Variants in NUP153 observed in about 807,000 individuals in gnomAD.
NUP153 encodes the protein nucleoporin 153, also known as nuclear pore complex protein Nup153.
In NUP153, 27 loss-of-function variants were observed where a neutral mutation model predicts 134.6. That is an observed-to-expected ratio of 0.20 (90% CI 0.15 to 0.28). NUP153 has a LOEUF of 0.28. NUP153 is among the 10% of genes least tolerant of loss of function. The pLI, the probability that NUP153 is intolerant of heterozygous loss-of-function variation, is 1.00. For synonymous variants in NUP153, 640 were observed against 623.5 expected, an observed-to-expected ratio of 1.03 and a Z score of -0.40; for missense variants, 1,821 against 1,731.3, an observed-to-expected ratio of 1.05 and a Z score of -0.92.
chr6:17,671,700 T>TA (rs1561892725), intron 5 of NUP153, among the ~76,000 whole-genome samples: 1 of 152,192 alleles, frequency 6.6e-6, no homozygotes. Context: ...AATTGGTCTT[T>TA]AGACTCAAAT....
At chr6:17,626,483 C>G (rs984523535) in intron 18 of NUP153, among the ~76,000 whole-genome samples, 4 of 152,148 alleles carry the variant, frequency 2.6e-5, no homozygotes, top group African/African-American at 4.8e-5. Flanking sequence ...TAGTGGAAGA[C>G]AGCTGTACTT....
intron 20 of NUP153, among the ~76,000 whole-genome samples, chr6:17,621,638 G>C (rs1764646370): frequency 6.6e-6 from 1 of 152,218 alleles, no homozygotes; most frequent in Admixed American, 6.5e-5. Context: ...ATGTGTAGGA[G>C]CTAAAAAACA....
In NUP153 at chr6:17,659,756, C is replaced by T. The variant is rs556691159; in HGVS notation, c.1395+1897G>A. 1.2e-4 allele frequency among the ~76,000 whole-genome samples: 18 copies of T among 152,296 alleles called. No homozygotes were observed. In the South Asian group the frequency reaches 3.5e-3, roughly 30 times the overall value. On this transcript the variant is annotated intron_variant, in intron 11 of 21. Transcript: ENST00000262077. ...AAAGTGCTGGGATTACAGGCATGAG[C>T]CACCGTGCCCAGCCGCCAACCCGTT... is the stretch of plus-strand genomic sequence containing the variant.
chr6:17,633,713 A>C (rs1015538210), intron 16 of NUP153, among the ~76,000 whole-genome samples: 4 of 152,172 alleles, frequency 2.6e-5, no homozygotes, highest in African/African-American at 9.7e-5. Context: ...AAGGCCCAAA[A>C]TATAGTGCTG....
chr6:17,620,794 C>T (rs1279670417), intron 20 of NUP153, among the ~76,000 whole-genome samples: 2 of 152,046 alleles, frequency 1.3e-5, no homozygotes, highest in Non-Finnish European at 1.5e-5. Flanking sequence ...AGATAGGACC[C>T]CCCTGGCCTA....
intron 16 of NUP153, 67 bp downstream of exon 16, chr6:17,637,086 C>T (rs765556798): frequency 5.7e-6 from 8 of 1,408,650 alleles, no homozygotes; most frequent in Non-Finnish European, 6.8e-6. Context: ...AACAAGGATT[C>T]TTAGAATAAA....
At chr6:17,689,577 C>T (rs1193595642) in intron 1 of NUP153, among the ~76,000 whole-genome samples, 1 of 149,940 alleles carries the variant, frequency 6.7e-6, no homozygotes, top group Admixed American at 6.6e-5. Flanking sequence ...ACTCTTGTTG[C>T]CCAGGCTGGA....
intron 16 of NUP153, among the ~76,000 whole-genome samples, chr6:17,635,877 CAT>C (rs1281626289): frequency 3.3e-5 from 5 of 152,328 alleles, no homozygotes; most frequent in East Asian, 1.9e-4. Context: ...TTCTTTAATA[CAT>C]ATGTGAGCTT....
At chr6:17,642,591 T>C (rs1765892222) in intron 14 of NUP153, among the ~76,000 whole-genome samples, 1 of 152,240 alleles carries the variant, frequency 6.6e-6, no homozygotes, top group Non-Finnish European at 1.5e-5. Flanking sequence ...CTAATGGTAA[T>C]GTGACATGGT....
chr6:17,642,159 A>T (rs1442405318), intron 14 of NUP153, among the ~76,000 whole-genome samples: 1 of 152,214 alleles, frequency 6.6e-6, no homozygotes, highest in Non-Finnish European at 1.5e-5. Flanking sequence ...TATAGCTTCA[A>T]GACCATGGAT....
At chr6:17,656,955 C>T (rs1236400880) in intron 11 of NUP153, among the ~76,000 whole-genome samples, 2 of 152,170 alleles carry the variant, frequency 1.3e-5, no homozygotes, top group Admixed American at 6.5e-5. Context: ...CAATTTCAGT[C>T]AGTTTTGTTA....
rs1482484393 is a variant in NUP153 at position 17,628,664 on chromosome 6, T to C, written c.3535A>G (p.Thr1179Ala). 6.3e-7 allele frequency: 1 copy of C among 1,589,642 alleles called. No homozygotes were observed. Residue 1179 changes from threonine (T) to alanine (A), a missense_variant, in exon 18 of 22, where the codon ACT becomes GCT. Physicochemically the swap from Thr to Ala is moderately conservative, Grantham distance 58. Coordinates refer to ENST00000262077, the MANE Select transcript of NUP153 (RefSeq NM_005124.4). The surrounding 1 kb of genome is among the most constrained non-coding windows in gnomAD (Gnocchi z 5.4). Reference protein sequence around the residue: ...ATFAFGAQTSTTADQGAAKPV... With the variant: ...ATFAFGAQTSATADQGAAKPV... ...AAAAGTTAATACTTACCAGCTGTAG[T>C]ACTAGTTTGAGCTCCAAAGGCAAAA...
chr6:17,694,387 G>A (rs185898830), intron 1 of NUP153, among the ~76,000 whole-genome samples: 2 of 152,190 alleles, frequency 1.3e-5, no homozygotes, highest in East Asian at 3.9e-4. Context: ...AGCTGGGCCC[G>A]GTGGCTCACG....
chr6:17,624,026 ATAT>A (rs1435815966), intron 20 of NUP153, among the ~76,000 whole-genome samples: 2 of 149,840 alleles, frequency 1.3e-5, no homozygotes, highest in Admixed American at 6.6e-5. Context: ...TTTCTACATA[ATAT>A]TATATTTCAC....
Position 17,628,927 on chromosome 6 carries a change from G to C in NUP153, c.3272C>G (p.Ser1091Cys), listed in dbSNP as rs1323591332. The change falls in exon 18 of 22, where the codon TCT (serine) becomes TGT (cysteine). Residue 1091 changes from serine (S) to cysteine (C), a missense_variant. Physicochemically the swap from Ser to Cys is moderately radical, Grantham distance 112. Coordinates refer to ENST00000262077, the MANE Select transcript of NUP153 (RefSeq NM_005124.4). This position sits in a 1 kb window ranked among gnomAD's most constrained non-coding sequence, Gnocchi z 5.4. ...AACAAACACTGAGGCAGATGGCAGA[G>C]AGGCAGGCTCCACGTTGCCAAAAGA... Reference protein sequence around the residue: ...GFSFGNVEPASLPSASVFVLG... With the variant: ...GFSFGNVEPACLPSASVFVLG... 1.9e-6 allele frequency: 3 copies of C among 1,614,176 alleles called. No individual in the cohort carries two copies. Among genetic ancestry groups the C allele is most frequent in the Non-Finnish European group, 2.5e-6 (3 of 1,180,034 alleles).
chr6:17,629,300 A>T lies in NUP153; in HGVS notation c.2899T>A (p.Ser967Thr). The change falls in exon 18 of 22, where the codon TCT (serine) becomes ACT (threonine). Residue 967 changes from serine to threonine, a missense_variant. Coordinates refer to ENST00000262077, the MANE Select transcript of NUP153 (RefSeq NM_005124.4). ...GDFKFGVSSE[S>T]KPEEVKKDSK... ...TCTTTTTTAACTTCTTCGGGCTTAG[A>T]TTCAGATGAAACTCCAAATTTAAAA... 6.2e-7 allele frequency: 1 copy of T among 1,608,284 alleles called. No individual in the cohort carries two copies. Among genetic ancestry groups the T allele is most frequent in the Non-Finnish European group, 8.5e-7 (1 of 1,178,662 alleles).
At chr6:17,688,055 C>T (rs1769043051) in intron 2 of NUP153, among the ~76,000 whole-genome samples, 1 of 151,924 alleles carries the variant, frequency 6.6e-6, no homozygotes. Context: ...GGAGGCGGAG[C>T]TTGCAGTGAG....
chr6:17,632,590 TA>T, intron 17 of NUP153, 59 bp downstream of exon 17: 1 of 1,305,256 alleles, frequency 7.7e-7, no homozygotes, highest in Non-Finnish European at 1.1e-6. Context: ...ACTTCATTTT[TA>T]AATGGCCTTA....
At chr6:17,686,873 T>C (rs931918895) in intron 2 of NUP153, among the ~76,000 whole-genome samples, 1 of 29,042 alleles carries the variant, frequency 3.4e-5, no homozygotes, top group South Asian at 1.4e-3. Context: ...AGCTCAGTAA[T>C]GGGCAGCCGG....
Sources: allele counts gnomAD v4.1 joint callset (sites outside exome capture counted in the v4.1 genomes callset), GRCh38; gene constraint gnomAD v4.1.1; non-coding constraint Gnocchi (gnomAD v3.1); transcripts MANE v1.5; gene names NCBI Gene and HGNC (gene_info 2026-07-23, HGNC 2026-07-21).